Variants in DLG2 observed in about 807,000 individuals in gnomAD.
DLG2 encodes the protein disks large homolog 2.
DLG2 carries 45 observed loss-of-function variants against 132.5 expected under a neutral mutation model. That is an observed-to-expected ratio of 0.34 (90% CI 0.27 to 0.44). The LOEUF (loss-of-function observed/expected upper bound fraction) is 0.44. Ranked by LOEUF, DLG2 falls within the 20% of genes least tolerant of loss-of-function variation. The pLI is 1.00. For missense variants in DLG2, 1,045 were observed against 1,196.9 expected (o/e 0.87, Z 1.87); for synonymous variants, 424 against 419.6 (o/e 1.01, Z -0.13).
intron 10 of DLG2, among the ~76,000 whole-genome samples, chr11:84,082,235 G>T (rs919577672): frequency 6.6e-6 from 1 of 151,816 alleles, no homozygotes; most frequent in African/African-American, 2.4e-5. Flanking sequence ...TATTTTTAAA[G>T]TACAATGCCT....
chr11:85,431,120 G>A (rs577092152), intron 3 of DLG2, among the ~76,000 whole-genome samples: 3 of 152,178 alleles, frequency 2.0e-5, no homozygotes, highest in Non-Finnish European at 2.9e-5. Flanking sequence ...TGTTTCCAAC[G>A]AAGGAGACAA....
intron 16 of DLG2, among the ~76,000 whole-genome samples, chr11:83,851,920 T>TAAA (rs754089296): frequency 3.1e-5 from 4 of 128,524 alleles, no homozygotes; most frequent in Non-Finnish European, 6.7e-5. Context: ...CTCCGTCTCT[T>TAAA]AAAAAAAAAA....
chr11:84,368,983 A>G (rs968674974), intron 7 of DLG2, among the ~76,000 whole-genome samples: 4 of 152,126 alleles, frequency 2.6e-5, no homozygotes, highest in African/African-American at 7.2e-5. Context: ...GAAGTTAATT[A>G]CTTCTCCACA....
chr11:84,026,288 C>T (rs761130371), intron 11 of DLG2, among the ~76,000 whole-genome samples: 1 of 151,964 alleles, frequency 6.6e-6, no homozygotes, highest in Admixed American at 6.6e-5. Context: ...AGGAGTCGTG[C>T]CTGGTTTGGA....
At chr11:84,834,116 A>T (rs2079398752) in intron 6 of DLG2, among the ~76,000 whole-genome samples, 1 of 151,678 alleles carries the variant, frequency 6.6e-6, no homozygotes, top group African/African-American at 2.4e-5. Flanking sequence ...TTTAGAGAGG[A>T]CAGTAGAAAT....
At position 83,886,385 on chromosome 11, in the gene DLG2, CAAG is replaced by C. The variant is rs575578132; in HGVS notation, c.1497-11900_1497-11898del. On this transcript the variant is annotated intron_variant, in intron 15 of 27. Transcript: ENST00000376104. ...CATAATGGTAAAGGGATCAATTCAA[CAAG>C]AAGAACTAACTATCCAAAATGTACA... is the stretch of plus-strand genomic sequence containing the variant. 2.8e-4 allele frequency among the ~76,000 whole-genome samples: 42 copies of C among 152,286 alleles called. 1 individual carries two copies. The highest frequency in any genetic ancestry group is 1.0e-4 in the Non-Finnish European group (7 of 68,026).
intron 12 of DLG2, among the ~76,000 whole-genome samples, chr11:83,975,461 T>C (rs1158233345): frequency 1.3e-5 from 2 of 152,052 alleles, no homozygotes; most frequent in East Asian, 1.9e-4. Context: ...GGGTGACCCA[T>C]TAAACATCAG....
At chr11:84,011,378 G>A (rs2094883012) in intron 11 of DLG2, among the ~76,000 whole-genome samples, 1 of 152,084 alleles carries the variant, frequency 6.6e-6, no homozygotes, top group Non-Finnish European at 1.5e-5. Flanking sequence ...GGCTGAAGCT[G>A]GAGGATCACT....
chr11:84,522,421 G>A (rs1298384426), intron 7 of DLG2, among the ~76,000 whole-genome samples: 1 of 152,102 alleles, frequency 6.6e-6, no homozygotes, highest in Non-Finnish European at 1.5e-5. Flanking sequence ...TCTATGTAAA[G>A]GAACTTCAGT....
At chr11:84,475,339 CA>C (rs1175066070) in intron 7 of DLG2, among the ~76,000 whole-genome samples, 5 of 152,042 alleles carry the variant, frequency 3.3e-5, no homozygotes, top group Admixed American at 6.6e-5. Flanking sequence ...GAAATACTAA[CA>C]TTTTTTGCGG....
At chr11:84,209,093 T>C (rs1178096929) in intron 8 of DLG2, among the ~76,000 whole-genome samples, 1 of 152,216 alleles carries the variant, frequency 6.6e-6, no homozygotes, top group Non-Finnish European at 1.5e-5. Context: ...GAAACACTAG[T>C]TTAACCACGT....
chr11:83,996,645 A>G (rs1327099534), intron 11 of DLG2, among the ~76,000 whole-genome samples: 1 of 152,198 alleles, frequency 6.6e-6, no homozygotes, highest in Admixed American at 6.5e-5. Flanking sequence ...CACAAAAAGA[A>G]TGAGATCTAG....
chr11:85,160,000 C>A (rs868053087), intron 4 of DLG2, among the ~76,000 whole-genome samples: 1 of 152,116 alleles, frequency 6.6e-6, no homozygotes, highest in Non-Finnish European at 1.5e-5. Context: ...GAAATAAATC[C>A]AACTAAAATT....
At chr11:84,204,612 A>G (rs929856657) in intron 8 of DLG2, among the ~76,000 whole-genome samples, 20 of 152,218 alleles carry the variant, frequency 1.3e-4, no homozygotes, top group African/African-American at 4.8e-4. Context: ...TTTATATTAA[A>G]TGCAAATGAA....
chr11:85,155,528 GGTA>G (rs1413905785), intron 4 of DLG2, among the ~76,000 whole-genome samples: 1 of 152,016 alleles, frequency 6.6e-6, no homozygotes, highest in Non-Finnish European at 1.5e-5. Flanking sequence ...TTAGGAACTG[GGTA>G]GTAAACATGC....
At chr11:84,174,266 T>A (rs1446488858) in intron 8 of DLG2, among the ~76,000 whole-genome samples, 1 of 152,078 alleles carries the variant, frequency 6.6e-6, no homozygotes, top group Non-Finnish European at 1.5e-5. Context: ...TAAAAATACT[T>A]CTTCCCCTAT....
At chr11:83,667,975 CAAAAAAAAAAAA>C (rs10688898) in intron 18 of DLG2, among the ~76,000 whole-genome samples, 1 of 39,600 alleles carries the variant, frequency 2.5e-5, no homozygotes, top group Non-Finnish European at 4.0e-5. Context: ...GACTCCGTCT[CAAAAAAAAAAAA>C]AAAAAAAAAA....
chr11:84,351,192 T>C (rs1187857471), intron 7 of DLG2, among the ~76,000 whole-genome samples: 2 of 152,190 alleles, frequency 1.3e-5, no homozygotes, highest in Admixed American at 1.3e-4. Context: ...TGGTTTCTTT[T>C]TTCATTTGAT....
chr11:84,671,013 C>A (rs951299531), intron 6 of DLG2, among the ~76,000 whole-genome samples: 4 of 152,080 alleles, frequency 2.6e-5, no homozygotes, highest in African/African-American at 9.7e-5. Context: ...ATAGTGCATA[C>A]CCTGTGGGGT....
Sources: gnomAD v4.1 joint callset for allele counts (sites outside exome capture counted in the v4.1 genomes callset) on GRCh38, gnomAD v4.1.1 for gene constraint, MANE v1.5 for transcripts, NCBI Gene and HGNC (gene_info 2026-07-23, HGNC 2026-07-21) for gene names.